Variants in SCRN3 observed in about 807,000 individuals in gnomAD.
SCRN3 encodes the protein secernin-3.
In SCRN3, 39 loss-of-function variants were observed where a neutral mutation model predicts 43.1. The observed-to-expected ratio is 0.91, with a 90% CI of 0.70 to 1.18. The LOEUF (loss-of-function observed/expected upper bound fraction) is 1.18. Ranked by LOEUF, SCRN3 falls within the 50% of genes most tolerant of loss-of-function variation. The pLI is 0.00. For missense variants in SCRN3, 484 were observed against 498.0 expected (o/e 0.97, Z 0.27); for synonymous variants, 147 against 163.1 (o/e 0.90, Z 0.75).
rs762336806 is a variant in SCRN3 at position 174,424,464 on chromosome 2, CTT to C, written c.918-6_918-5del. 1.9e-6 allele frequency: 3 copies of C among 1,555,526 alleles called. No individual in the cohort carries two copies. Among genetic ancestry groups the C allele is most frequent in the African/African-American group, 1.4e-5 (1 of 72,912 alleles). On this transcript the variant is annotated splice_polypyrimidine_tract_variant and intron_variant, in intron 6 of 7. Coordinates refer to ENST00000272732, the MANE Select transcript of SCRN3 (RefSeq NM_024583.5). Reference sequence around the variant, plus strand: ...TTGACATGATAATTTAATAAAGACTCTTTTTTCTAGATCTGTTTTTAAGCCTT... The same window carrying C: ...TTGACATGATAATTTAATAAAGACTCTTTTCTAGATCTGTTTTTAAGCCTT...
Position 174,423,054 on chromosome 2 carries a change from C to A in SCRN3, c.917+7C>A. ...GGACTCCTGATCCTGAGAGGTGAAG[C>A]CACAAAATACTATAAACCAGCAAGG... is the stretch of plus-strand genomic sequence containing the variant. On this transcript the variant is annotated splice_region_variant and intron_variant, in intron 6 of 7. Coordinates refer to ENST00000272732, the MANE Select transcript of SCRN3 (RefSeq NM_024583.5). 6.2e-7 allele frequency: 1 copy of A among 1,608,344 alleles called. No homozygotes were observed. Among genetic ancestry groups the A allele is most frequent in the Non-Finnish European group, 8.5e-7 (1 of 1,176,468 alleles).
chr2:174,397,616 A>G (rs1249011317), intron 1 of SCRN3, among the ~76,000 whole-genome samples: 1 of 152,166 alleles, frequency 6.6e-6, no homozygotes, highest in East Asian at 1.9e-4. Flanking sequence ...AGTACTGGGC[A>G]CGTAAGATTT....
At chr2:174,421,896 G>T (rs1401577134) in intron 5 of SCRN3, among the ~76,000 whole-genome samples, 1 of 152,160 alleles carries the variant, frequency 6.6e-6, no homozygotes, top group East Asian at 1.9e-4. Flanking sequence ...TTGGTAAGTG[G>T]TAAAGAGTTA....
chr2:174,405,514 A>G (rs1405697106), intron 5 of SCRN3, among the ~76,000 whole-genome samples: 16 of 128,008 alleles, frequency 1.2e-4, no homozygotes, highest in Admixed American at 4.8e-4. Flanking sequence ...TTGGTGTTTT[A>G]GACATGAAGT....
intron 5 of SCRN3, among the ~76,000 whole-genome samples, chr2:174,419,705 G>T (rs1258018062): frequency 6.6e-6 from 1 of 152,110 alleles, no homozygotes; most frequent in East Asian, 1.9e-4. Flanking sequence ...TTTTGTTGTT[G>T]TTGTTGTTTT....
At chr2:174,418,008 T>C (rs7591124) in intron 5 of SCRN3, among the ~76,000 whole-genome samples, 122,026 of 152,166 alleles carry the variant, frequency 0.8, 49,371 homozygotes, top group African/African-American at 0.91. Context: ...TCTTTAAAAA[T>C]GAAGAACAAC....
rs1017272753 is a variant in SCRN3, at chr2:174,397,008, A to G, written c.-10+1191A>G. 4 of 881,056 alleles carry G rather than the reference A, an allele frequency of 4.5e-6. No individual in the cohort carries two copies. In the Admixed American group the frequency reaches 2.5e-4, roughly 55 times the overall value. The allele number at this position is 881,056 out of a possible 1,614,324, so 54.6% of individuals were successfully genotyped here. On this transcript the variant is annotated intron_variant, in intron 1 of 7. Transcript: ENST00000272732. ...AAGGCATAGGTAAGAGAGAGATTAA[A>G]TAGTCTGCCAAAGTTATATAGTGAT... is the stretch of plus-strand genomic sequence containing the variant.
chr2:174,399,771 C>G (rs1685438159), intron 2 of SCRN3, 151 bp from the exon 3 acceptor site: 1 of 458,496 alleles, frequency 2.2e-6, no homozygotes, highest in Non-Finnish European at 3.6e-6. Context: ...AAGGGTAATG[C>G]CTTTATTATT....
At chr2:174,415,763 A>G (rs1686083584) in intron 5 of SCRN3, among the ~76,000 whole-genome samples, 3 of 152,002 alleles carry the variant, frequency 2.0e-5, no homozygotes, top group Admixed American at 6.6e-5. Context: ...TCGTGCCTCA[A>G]CCTCCCAAAT....
At chr2:174,409,325 C>T in intron 5 of SCRN3, among the ~76,000 whole-genome samples, 1 of 145,236 alleles carries the variant, frequency 6.9e-6, no homozygotes. Context: ...CCTTTACGCA[C>T]TTCTCTGTAT....
At chr2:174,403,544 C>G (rs1658293114) in intron 4 of SCRN3, among the ~76,000 whole-genome samples, 1 of 152,080 alleles carries the variant, frequency 6.6e-6, no homozygotes, top group African/African-American at 2.4e-5. Context: ...AAATAATAAA[C>G]TATTGATATA....
In SCRN3 at chr2:174,427,737, AAC is replaced by A; in HGVS notation, c.1119_1120del (p.Met374GlufsTer21). On this transcript the variant is annotated frameshift_variant, in exon 8 of 8. Coordinates refer to ENST00000272732, the MANE Select transcript of SCRN3 (RefSeq NM_024583.5). LOFTEE classifies it high-confidence loss of function. ...NEEKAKIMLD[N>X]MRKLEKELFR... ...GGAAAAAGCCAAAATAATGTTGGACAACATGAGGAAACTGGAGAAAGAACTAT... is the reference window on the plus strand; with the variant it reads ...GGAAAAAGCCAAAATAATGTTGGACAATGAGGAAACTGGAGAAAGAACTAT... The A allele has an allele frequency of 6.2e-7, 1 of 1,604,476 alleles. No homozygotes were observed.
At chr2:174,416,845 G>T (rs999144831) in intron 5 of SCRN3, among the ~76,000 whole-genome samples, 1 of 152,050 alleles carries the variant, frequency 6.6e-6, no homozygotes, top group African/African-American at 2.4e-5. Context: ...TATTAGTGTT[G>T]TTTGGTGCTA....
intron 6 of SCRN3, among the ~76,000 whole-genome samples, chr2:174,423,256 T>C (rs1054862422): frequency 5.9e-5 from 9 of 152,252 alleles, no homozygotes; most frequent in African/African-American, 1.7e-4. Flanking sequence ...GTTTCTTGTA[T>C]GCGTTATCCC....
Position 174,427,826 on chromosome 2 carries a change from C to G in SCRN3, c.1206C>G (p.Leu402=). The G allele has an allele frequency of 1.1e-5, 17 of 1,607,974 alleles. No individual in the cohort carries two copies. The highest frequency in any genetic ancestry group is 1.4e-5 in the Non-Finnish European group (17 of 1,175,026). Residue 402 remains leucine, a synonymous_variant, in exon 8 of 8, where the codon CTC becomes CTG. Coordinates refer to ENST00000272732, the MANE Select transcript of SCRN3 (RefSeq NM_024583.5). ...KHLDVEKIVN[L]FPQCTKDEIQ... ...TTGATGTGGAGAAAATTGTTAATCTCTTTCCTCAGTGTACAAAAGATGAAA... is the reference window on the plus strand; with the variant it reads ...TTGATGTGGAGAAAATTGTTAATCTGTTTCCTCAGTGTACAAAAGATGAAA...
Position 174,399,792 on chromosome 2 carries a change from A to G in SCRN3, c.160-130A>G, listed in dbSNP as rs568535848. The G allele has an allele frequency of 3.5e-4, 197 of 556,418 alleles. 1 individual carries two copies. The East Asian group carries it at 6.7e-3, about 19-fold the overall frequency. 34.5% of individuals were successfully genotyped at this position (556,418 alleles called of 1,614,324 possible). A position where few individuals can be genotyped will look rare whatever the true frequency, so the allele number is the denominator to read the frequency against. On this transcript the variant is annotated intron_variant, in intron 2 of 7. Transcript: ENST00000272732. Reference sequence around the variant, plus strand: ...AATGCCTTTATTATTGAAAATTTCAATTTACTTATATTTCCTTTACCTCTT... The same window carrying G: ...AATGCCTTTATTATTGAAAATTTCAGTTTACTTATATTTCCTTTACCTCTT...
intron 5 of SCRN3, among the ~76,000 whole-genome samples, chr2:174,415,871 C>T (rs1186593764): frequency 6.6e-6 from 1 of 152,054 alleles, no homozygotes; most frequent in African/African-American, 2.4e-5. Flanking sequence ...TGTCGAATTC[C>T]TGGGCTCAAA....
At chr2:174,396,060 T>TTTC in intron 1 of SCRN3, 1 of 1,242,076 alleles carries the variant, frequency 8.1e-7, no homozygotes, top group Non-Finnish European at 1.0e-6. Context: ...CTGCACTGTT[T>TTTC]TTCTCATCTA....
chr2:174,399,870 CTT>C, intron 2 of SCRN3, 50 bp from the exon 3 acceptor site: 1 of 1,257,088 alleles, frequency 8.0e-7, no homozygotes, highest in Middle Eastern at 2.1e-4. Flanking sequence ...ATTTTGATAA[CTT>C]TTCTGGTTTT....
Sources: allele counts gnomAD v4.1 joint callset (sites outside exome capture counted in the v4.1 genomes callset), GRCh38; gene constraint gnomAD v4.1.1; transcripts MANE v1.5; gene names NCBI Gene and HGNC (gene_info 2026-07-23, HGNC 2026-07-21).